Variants in NGEF observed in about 807,000 individuals in gnomAD.
NGEF encodes the protein neuronal guanine nucleotide exchange factor.
In NGEF, 31 loss-of-function variants were observed where a neutral mutation model predicts 80.9. The observed-to-expected ratio is 0.38, with a 90% CI of 0.29 to 0.52. The LOEUF is 0.52. Among genes scored for constraint, NGEF ranks in the 20% least tolerant of loss-of-function variants. NGEF has a pLI of 0.84. For missense variants in NGEF, 709 were observed against 926.2 expected (o/e 0.77, Z 3.04); for synonymous variants, 371 against 370.2 (o/e 1.00, Z -0.03).
chr2:232,977,426 C>T lies in NGEF; in HGVS notation c.-74-2462G>A, dbSNP rs925751123. Among the ~76,000 whole-genome samples, 9 of 152,172 alleles carry T rather than the reference C, an allele frequency of 5.9e-5. No individual in the cohort carries two copies. In the South Asian group the frequency reaches 6.2e-4, roughly 10 times the overall value. On this transcript the variant is annotated intron_variant, in intron 1 of 14. Transcript: ENST00000264051. The stretch of plus-strand genomic sequence containing the variant: ...ATGGGGGTGCTGCTTTGGGGGCTGA[C>T]GTCCCTGTCACTGGAGCTGTCCAGA...
At chr2:232,997,703 T>G (rs1049151362) in intron 1 of NGEF, among the ~76,000 whole-genome samples, 23 of 152,072 alleles carry the variant, frequency 1.5e-4, no homozygotes, top group African/African-American at 5.6e-4. Flanking sequence ...CCCCACTGCT[T>G]CCAGCCACCC....
chr2:232,883,091 GCA>G (rs1296783501), intron 12 of NGEF, among the ~76,000 whole-genome samples: 1 of 150,498 alleles, frequency 6.6e-6, no homozygotes, highest in African/African-American at 2.5e-5. Context: ...ACGCACACAC[GCA>G]CACACGTACA....
Position 232,979,395 on chromosome 2 carries a change from C to CAG in NGEF, c.-74-4433_-74-4432dup, listed in dbSNP as rs1553557491. ...ACACACACACACACACACACACACA[C>CAG]AGGAAGAGATTGTAAAACTATCTGT... On this transcript the variant is annotated intron_variant, in intron 1 of 14. Coordinates refer to ENST00000264051, the MANE Select transcript of NGEF (RefSeq NM_019850.3). Among the ~76,000 whole-genome samples the CAG allele has an allele frequency of 3.0e-3, 24 of 7,890 alleles. No individual in the cohort carries two copies. In the East Asian group the frequency reaches 0.055, roughly 18 times the overall value. 5.2% of individuals were successfully genotyped at this position (7,890 alleles called of 152,430 possible).
intron 3 of NGEF, among the ~76,000 whole-genome samples, chr2:232,967,788 C>T (rs1267187718): frequency 6.6e-6 from 1 of 151,846 alleles, no homozygotes; most frequent in Non-Finnish European, 1.5e-5. Flanking sequence ...GCCTCCCCAC[C>T]TTGTCCTAGG....
At chr2:232,995,881 C>G (rs527793005) in intron 1 of NGEF, among the ~76,000 whole-genome samples, 4 of 150,452 alleles carry the variant, frequency 2.7e-5, no homozygotes, top group Admixed American at 6.6e-5. Context: ...AATACATACA[C>G]TATAATACAT....
chr2:232,904,977 A>T (rs1692457820), intron 5 of NGEF, among the ~76,000 whole-genome samples: 1 of 152,142 alleles, frequency 6.6e-6, no homozygotes, highest in Admixed American at 6.5e-5. Flanking sequence ...ACAAACTATT[A>T]ATAAGCTGAG....
At chr2:232,981,979 G>A (rs1160543532) in intron 1 of NGEF, among the ~76,000 whole-genome samples, 1 of 152,186 alleles carries the variant, frequency 6.6e-6, no homozygotes, top group Non-Finnish European at 1.5e-5. Flanking sequence ...GGGAAAAAAG[G>A]ACTACAAGGG....
chr2:232,932,328 C>A (rs557726179), intron 3 of NGEF, among the ~76,000 whole-genome samples: 8 of 152,072 alleles, frequency 5.3e-5, no homozygotes, highest in African/African-American at 1.9e-4. Flanking sequence ...TCATGCCTGG[C>A]TAAACTTTTT....
intron 3 of NGEF, among the ~76,000 whole-genome samples, chr2:232,961,759 C>T (rs1368569188): frequency 1.3e-5 from 2 of 152,104 alleles, no homozygotes; most frequent in Non-Finnish European, 2.9e-5. Context: ...GGCTCCCAAC[C>T]AGATTATTTC....
intron 5 of NGEF, among the ~76,000 whole-genome samples, chr2:232,906,786 T>C (rs1244997218): frequency 4.6e-5 from 7 of 151,622 alleles, no homozygotes. Context: ...GGTTGCGGTG[T>C]CTGTGTAGAA....
At chr2:232,982,987 A>G (rs1224448524) in intron 1 of NGEF, among the ~76,000 whole-genome samples, 1 of 152,240 alleles carries the variant, frequency 6.6e-6, no homozygotes, top group African/African-American at 2.4e-5. Flanking sequence ...CCTGCATGGC[A>G]TGGATCTCTA....
chr2:232,965,364 T>C (rs1694035463), intron 3 of NGEF, among the ~76,000 whole-genome samples: 1 of 152,200 alleles, frequency 6.6e-6, no homozygotes, highest in Non-Finnish European at 1.5e-5. Flanking sequence ...CTATGGAAAC[T>C]GAACCAGAGA....
chr2:232,906,124 T>G (rs1189544203), intron 5 of NGEF, among the ~76,000 whole-genome samples: 31 of 43,256 alleles, frequency 7.2e-4, no homozygotes, highest in South Asian at 2.4e-3. Flanking sequence ...GAGGTGGGGG[T>G]CTCAGCCCCC....
In NGEF at chr2:232,899,698, ACT is replaced by A. The variant is rs1692220109; in HGVS notation, c.829-4784_829-4783del. On this transcript the variant is annotated intron_variant, in intron 5 of 14. Transcript: ENST00000264051. ...CTCACAGTCACTCATACACACATTC[ACT>A]CACACACGCTCTCAGTCACTCATAT... Among the ~76,000 whole-genome samples, 3 of 67,154 alleles carry A rather than the reference ACT, an allele frequency of 4.5e-5. 1 individual carries two copies. Among genetic ancestry groups the A allele is most frequent in the Admixed American group, 1.7e-4 (1 of 5,904 alleles). 44.1% of individuals were successfully genotyped at this position (67,154 alleles called of 152,430 possible). A position where few individuals can be genotyped will look rare whatever the true frequency, so the allele number is the denominator to read the frequency against.
At position 232,966,842 on chromosome 2, in the gene NGEF, C is replaced by A. The variant is rs144793754; in HGVS notation, c.383+3372G>T. Among the ~76,000 whole-genome samples, 706 of 152,136 alleles carry A rather than the reference C, an allele frequency of 4.6e-3. 5 individuals are homozygous for A. The highest frequency in any genetic ancestry group is 7.7e-3 in the Non-Finnish European group (521 of 68,008). ...ACTTTTACTCTCACTTCTGTTGATA[C>A]CCTCCAGTGAGGGTGGGGGGGGAGG... On this transcript the variant is annotated intron_variant, in intron 3 of 14. Coordinates refer to ENST00000264051, the MANE Select transcript of NGEF (RefSeq NM_019850.3).
intron 3 of NGEF, among the ~76,000 whole-genome samples, chr2:232,937,211 A>C (rs1380451980): frequency 6.6e-6 from 1 of 152,040 alleles, no homozygotes; most frequent in Non-Finnish European, 1.5e-5. Flanking sequence ...CAAGTGATCC[A>C]CCTGCCTCGG....
At chr2:232,994,997 CAT>C (rs1253180563) in intron 1 of NGEF, among the ~76,000 whole-genome samples, 1 of 52,116 alleles carries the variant, frequency 1.9e-5, no homozygotes, top group East Asian at 1.4e-3. Context: ...TATAACTACA[CAT>C]ATATGTATAA....
chr2:232,966,218 T>A (rs1694056370), intron 3 of NGEF, among the ~76,000 whole-genome samples: 1 of 151,964 alleles, frequency 6.6e-6, no homozygotes, highest in Non-Finnish European at 1.5e-5. Flanking sequence ...CCTGTGGGGG[T>A]CCTTAGACAT....
At chr2:233,012,838 A>G (rs1695242113) in intron 1 of NGEF, 1 of 470,920 alleles carries the variant, frequency 2.1e-6, no homozygotes, top group Non-Finnish European at 4.4e-6. Flanking sequence ...AGGAGTCCTT[A>G]TCCTGATTCC....
Sources: allele counts gnomAD v4.1 joint callset (sites outside exome capture counted in the v4.1 genomes callset), GRCh38; gene constraint gnomAD v4.1.1; transcripts MANE v1.5; gene names NCBI Gene and HGNC (gene_info 2026-07-23, HGNC 2026-07-21).